MXRA7: variants seen among roughly 807,000 people sequenced by gnomAD.
MXRA7 encodes matrix-remodeling-associated protein 7.
A neutral mutation model predicts 17.4 loss-of-function variants in MXRA7; 18 were observed. That is an observed-to-expected ratio of 1.03 (90% CI 0.71 to 1.53). The LOEUF (loss-of-function observed/expected upper bound fraction) is 1.53. Ranked by LOEUF, MXRA7 falls within the 40% of genes most tolerant of loss-of-function variation. The probability of loss-of-function intolerance (pLI) is 0.00; values close to 1 mark genes in which losing one functional copy is unlikely to be tolerated. For synonymous variants in MXRA7, 70 were observed against 101.7 expected (o/e 0.69, Z 1.87); for missense variants, 141 against 209.3 (o/e 0.67, Z 2.01).
chr17:76,673,551 T>A (rs1431470734), exon 4 of MXRA7: 8 of 152,298 alleles, frequency 5.3e-5, no homozygotes, highest in Non-Finnish European at 1.2e-4. Flanking sequence ...TGTGTGCTCT[T>A]CCTTCCAGGC....
intron 1 of MXRA7, among the ~76,000 whole-genome samples, chr17:76,697,538 G>A (rs2076544912): frequency 6.6e-6 from 1 of 152,254 alleles, no homozygotes; most frequent in Non-Finnish European, 1.5e-5. Context: ...GCTGGGCTGA[G>A]CCCAAGCTCC....
chr17:76,688,327 C>T (rs1303991753), intron 1 of MXRA7, 151 bp from the exon 2 acceptor site: 19 of 1,462,034 alleles, frequency 1.3e-5, no homozygotes, highest in Non-Finnish European at 1.6e-5. Context: ...CATGGTCAAC[C>T]AGCAGGTGGG....
Position 76,680,826 on chromosome 17 carries a change from C to G in MXRA7, c.*41G>C, listed in dbSNP as rs1273171347. 2 of 1,603,386 alleles carry G rather than the reference C, an allele frequency of 1.2e-6. No individual in the cohort carries two copies. Among genetic ancestry groups the G allele is most frequent in the Non-Finnish European group, 1.7e-6 (2 of 1,174,948 alleles). ...TTTATCTCTCAAGCTTTTAAGATGC[C>G]AAAAGGAAAAGCCTTTAGGAGGACG... On this transcript the variant is annotated 3_prime_UTR_variant, in exon 4 of 4. Transcript: ENST00000449428.
intron 3 of MXRA7, among the ~76,000 whole-genome samples, chr17:76,683,289 C>T (rs2076333870): frequency 6.6e-6 from 1 of 152,228 alleles, no homozygotes; most frequent in Non-Finnish European, 1.5e-5. Flanking sequence ...CAAAGAGGCA[C>T]AGACCACAGG....
intron 1 of MXRA7, among the ~76,000 whole-genome samples, chr17:76,696,399 T>G (rs2076532811): frequency 6.6e-6 from 1 of 152,104 alleles, no homozygotes; most frequent in Non-Finnish European, 1.5e-5. Flanking sequence ...CATGTGCTTG[T>G]AGCCCCAGAT....
At chr17:76,704,101 C>CA (rs1284142427) in intron 1 of MXRA7, among the ~76,000 whole-genome samples, 2 of 150,050 alleles carry the variant, frequency 1.3e-5, no homozygotes, top group South Asian at 2.1e-4. Flanking sequence ...AGACTGTCTC[C>CA]AAAAAAAGAG....
chr17:76,705,634 G>A (rs2076646939), intron 1 of MXRA7, among the ~76,000 whole-genome samples: 2 of 152,136 alleles, frequency 1.3e-5, no homozygotes, highest in African/African-American at 4.8e-5. Flanking sequence ...CGATGGTGGA[G>A]TCCCTACAAT....
chr17:76,706,938 C>G (rs1050344245), intron 1 of MXRA7, among the ~76,000 whole-genome samples: 5 of 151,690 alleles, frequency 3.3e-5, no homozygotes, highest in South Asian at 2.1e-4. Context: ...CACACACACA[C>G]TGTGTGTGTG....
chr17:76,678,563 C>G (rs144495638), downstream of MXRA7, among the ~76,000 whole-genome samples: 1,464 of 152,308 alleles, frequency 9.6e-3, 29 homozygotes, highest in African/African-American at 0.033. Context: ...GGCTGCATCT[C>G]ACTCTTCTGG....
rs35836669 is a variant in MXRA7, at chr17:76,706,296, G to A, written c.342+4309C>T. Among the ~76,000 whole-genome samples the A allele has an allele frequency of 7.8e-5, 7 of 89,500 alleles. 1 individual carries two copies. The highest frequency in any genetic ancestry group is 3.2e-4 in the East Asian group (1 of 3,140). 58.7% of individuals were successfully genotyped at this position (89,500 alleles called of 152,430 possible). ...TGCCGTCACAGAGGCCCACGCTGCC[G>A]TCACAGAGGCCCACGCTGCCATCAC... On this transcript the variant is annotated intron_variant, in intron 1 of 3. Transcript: ENST00000449428.
At chr17:76,703,957 G>A (rs929706676) in intron 1 of MXRA7, among the ~76,000 whole-genome samples, 9 of 151,166 alleles carry the variant, frequency 6.0e-5, no homozygotes, top group Admixed American at 1.3e-4. Context: ...ATCATAGCCG[G>A]GCGTGGTGGT....
At chr17:76,708,586 T>C (rs919088348) in intron 1 of MXRA7, among the ~76,000 whole-genome samples, 1 of 152,138 alleles carries the variant, frequency 6.6e-6, no homozygotes, top group Admixed American at 6.5e-5. Flanking sequence ...TCAGGACAAT[T>C]TGTTTTCCTT....
intron 3 of MXRA7, among the ~76,000 whole-genome samples, chr17:76,684,363 C>T (rs889875828): frequency 6.6e-6 from 1 of 152,116 alleles, no homozygotes; most frequent in South Asian, 2.1e-4. Flanking sequence ...CTCCAGGCCA[C>T]GCTGCAGAAG....
intron 1 of MXRA7, among the ~76,000 whole-genome samples, chr17:76,706,411 C>CCCACACTGCCGTCACAAAGGA (rs2076661650): frequency 8.0e-5 from 11 of 137,326 alleles, no homozygotes; most frequent in African/African-American, 2.7e-4. Flanking sequence ...GTCACAGAGG[C>CCCACACTGCCGTCACAAAGGA]CCACACTGCC....
intron 1 of MXRA7, among the ~76,000 whole-genome samples, chr17:76,691,570 T>G (rs1455516241): frequency 6.6e-6 from 1 of 152,114 alleles, no homozygotes; most frequent in African/African-American, 2.4e-5. Context: ...CTGCACTGAT[T>G]CCAGGCAGTT....
At chr17:76,685,705 G>A (rs914993970) in intron 2 of MXRA7, among the ~76,000 whole-genome samples, 30 of 152,240 alleles carry the variant, frequency 2.0e-4, no homozygotes, top group East Asian at 3.9e-4. Flanking sequence ...GCCAGTCCCC[G>A]AGGGGAGACC....
chr17:76,684,822 G>A (rs1290230002), intron 3 of MXRA7: 19 of 548,150 alleles, frequency 3.5e-5, no homozygotes, highest in Non-Finnish European at 5.6e-5. Flanking sequence ...AATGGGCTCT[G>A]TATCCCCCAT....
At position 76,688,501 on chromosome 17, in the gene MXRA7, C is replaced by T. The variant is rs1269446282; in HGVS notation, c.343-325G>A. ...AGAAGTGGGCCCAGGACTCCCACTG[C>T]GACGCTGCGGCCAGCAGACAAAGGG... On this transcript the variant is annotated intron_variant, in intron 1 of 3. Transcript: ENST00000449428. 7.6e-6 allele frequency: 10 copies of T among 1,313,902 alleles called. No individual in the cohort carries two copies. The Admixed American group carries it at 2.2e-4, about 30-fold the overall frequency. 81.4% of individuals were successfully genotyped at this position (1,313,902 alleles called of 1,614,324 possible).
intron 1 of MXRA7, chr17:76,688,817 T>A: frequency 1.8e-6 from 1 of 558,072 alleles, no homozygotes; most frequent in Non-Finnish European, 2.7e-6. Context: ...ATGGGCTCTG[T>A]GGGATTGAAG....
Sources: allele counts gnomAD v4.1 joint callset (sites outside exome capture counted in the v4.1 genomes callset), GRCh38; gene constraint gnomAD v4.1.1; transcripts MANE v1.5; gene names NCBI Gene and HGNC (gene_info 2026-07-23, HGNC 2026-07-21).